CNBD1: variants seen among roughly 807,000 people sequenced by gnomAD.
The protein encoded by CNBD1 is cyclic nucleotide binding domain containing 1.
In CNBD1, 71 loss-of-function variants were observed where a neutral mutation model predicts 54.4. The ratio of observed to expected loss-of-function variants is 1.30; its 90% confidence interval spans 1.08 to 1.59. The LOEUF is 1.59. Ranked by LOEUF, CNBD1 falls within the 40% of genes most tolerant of loss-of-function variation. The probability of loss-of-function intolerance (pLI) is 0.00; values close to 1 mark genes in which losing one functional copy is unlikely to be tolerated. For synonymous variants in CNBD1, 182 were observed against 170.7 expected (o/e 1.07, Z -0.51); for missense variants, 659 against 518.0 (o/e 1.27, Z -2.64).
chr8:87,418,835 C>A (rs1007625954), intron 2 of CNBD1, among the ~76,000 whole-genome samples: 1 of 151,728 alleles, frequency 6.6e-6, no homozygotes, highest in Non-Finnish European at 1.5e-5. Context: ...GAAATTGAAA[C>A]CCTTATACAT....
At chr8:86,891,211 C>T (rs1219944584) in intron 2 of CNBD1, among the ~76,000 whole-genome samples, 2 of 151,906 alleles carry the variant, frequency 1.3e-5, no homozygotes, top group African/African-American at 4.8e-5. Flanking sequence ...CCTAGCAGTT[C>T]TATGTTTAAG....
At chr8:87,396,170 C>A (rs528058116) in intron 2 of CNBD1, among the ~76,000 whole-genome samples, 2 of 152,000 alleles carry the variant, frequency 1.3e-5, no homozygotes, top group South Asian at 4.1e-4. Flanking sequence ...GAATATAGCC[C>A]TTTAATGTGT....
intron 5 of CNBD1, among the ~76,000 whole-genome samples, chr8:87,220,208 T>C (rs577406659): frequency 6.6e-6 from 1 of 152,184 alleles, no homozygotes; most frequent in South Asian, 2.1e-4. Flanking sequence ...CTTAATGCTA[T>C]GAATATGATG....
At chr8:87,369,733 T>A (rs71504320) in intron 10 of CNBD1, among the ~76,000 whole-genome samples, 45,796 of 151,406 alleles carry the variant, frequency 0.3, 7,248 homozygotes, top group Middle Eastern at 0.42. Flanking sequence ...TTCTTTTTTT[T>A]TTATTATTAT....
At chr8:87,029,356 G>A (rs1024980190) in intron 4 of CNBD1, among the ~76,000 whole-genome samples, 1 of 152,154 alleles carries the variant, frequency 6.6e-6, no homozygotes, top group African/African-American at 2.4e-5. Flanking sequence ...TCAGCACTTA[G>A]TTGTAAGTAA....
At chr8:87,224,528 G>T (rs1332171347) in intron 5 of CNBD1, among the ~76,000 whole-genome samples, 1 of 151,084 alleles carries the variant, frequency 6.6e-6, no homozygotes, top group South Asian at 2.1e-4. Flanking sequence ...GTTTTTCTCA[G>T]GTTTGTCAAA....
At chr8:86,917,878 A>C (rs969873767) in intron 3 of CNBD1, among the ~76,000 whole-genome samples, 8 of 152,218 alleles carry the variant, frequency 5.3e-5, no homozygotes, top group Admixed American at 5.2e-4. Flanking sequence ...CCTGACAGAA[A>C]CAAAGTTATT....
intron 2 of CNBD1, among the ~76,000 whole-genome samples, chr8:86,898,509 A>G (rs1808880415): frequency 6.6e-6 from 1 of 152,180 alleles, no homozygotes; most frequent in South Asian, 2.1e-4. Flanking sequence ...GAGCTCATGA[A>G]TAGACCCACA....
intron 2 of CNBD1, among the ~76,000 whole-genome samples, chr8:86,893,847 G>A (rs1030973642): frequency 2.6e-5 from 4 of 151,722 alleles, no homozygotes; most frequent in Admixed American, 2.0e-4. Flanking sequence ...ATTAGATTCT[G>A]CTGTTCCATT....
intron 5 of CNBD1, among the ~76,000 whole-genome samples, chr8:87,210,331 T>A (rs1814069899): frequency 6.6e-6 from 1 of 152,116 alleles, no homozygotes; most frequent in Non-Finnish European, 1.5e-5. Flanking sequence ...ACAAAAAAGC[T>A]ATTATGGGTG....
intron 2 of CNBD1, among the ~76,000 whole-genome samples, chr8:87,400,804 T>G (rs1344164930): frequency 1.3e-5 from 2 of 152,022 alleles, no homozygotes; most frequent in African/African-American, 4.8e-5. Flanking sequence ...AAACCTCTTG[T>G]GATACCTCTG....
intron 5 of CNBD1, among the ~76,000 whole-genome samples, chr8:87,221,427 G>C (rs753422570): frequency 6.6e-6 from 1 of 151,984 alleles, no homozygotes; most frequent in Non-Finnish European, 1.5e-5. Flanking sequence ...AGTCCATCAA[G>C]TACTCCATGT....
At chr8:87,293,617 C>T (rs1811688743) in intron 8 of CNBD1, among the ~76,000 whole-genome samples, 1 of 152,150 alleles carries the variant, frequency 6.6e-6, no homozygotes, top group Admixed American at 6.5e-5. Flanking sequence ...CTATGTAGGA[C>T]AGTTTGTTGA....
At chr8:87,402,052 A>G (rs1007403034) in intron 2 of CNBD1, among the ~76,000 whole-genome samples, 2 of 152,052 alleles carry the variant, frequency 1.3e-5, no homozygotes, top group Admixed American at 6.6e-5. Flanking sequence ...ACAGTTCTAC[A>G]TATCCAGGGA....
At chr8:86,895,227 A>AT (rs1808832177) in intron 2 of CNBD1, among the ~76,000 whole-genome samples, 1 of 146,324 alleles carries the variant, frequency 6.8e-6, no homozygotes, top group Non-Finnish European at 1.5e-5. Context: ...ATGTATTTAA[A>AT]TTTTTTTCTC....
chr8:87,385,084 A>C (rs1438103304), downstream of CNBD1, among the ~76,000 whole-genome samples: 1 of 152,172 alleles, frequency 6.6e-6, no homozygotes. Flanking sequence ...CAAGGACTGA[A>C]GTGAGATCAT....
At chr8:87,184,710 C>T (rs73690124) in intron 4 of CNBD1, among the ~76,000 whole-genome samples, 2,144 of 152,158 alleles carry the variant, frequency 0.014, 60 homozygotes, top group African/African-American at 0.049. Context: ...ACTTCCTCCC[C>T]TTTCAGCCTC....
At chr8:87,390,404 A>T (rs1289874904) in intron 2 of CNBD1, among the ~76,000 whole-genome samples, 1 of 152,238 alleles carries the variant, frequency 6.6e-6, no homozygotes, top group Non-Finnish European at 1.5e-5. Context: ...ATTTACAAGA[A>T]AAAACCCCAT....
intron 4 of CNBD1, among the ~76,000 whole-genome samples, chr8:86,992,733 T>C (rs1808781901): frequency 6.6e-6 from 1 of 152,144 alleles, no homozygotes; most frequent in Non-Finnish European, 1.5e-5. Context: ...AAACTTACTT[T>C]GGCAGGATAT....
Sources: gnomAD v4.1 joint callset for allele counts (sites outside exome capture counted in the v4.1 genomes callset) on GRCh38, gnomAD v4.1.1 for gene constraint, MANE v1.5 for transcripts, NCBI Gene and HGNC (gene_info 2026-07-23, HGNC 2026-07-21) for gene names.